PPHLN1: variants seen among roughly 807,000 people sequenced by gnomAD.
The protein encoded by PPHLN1 is periphilin-1.
A neutral mutation model predicts 51.3 loss-of-function variants in PPHLN1; 29 were observed. The ratio of observed to expected loss-of-function variants is 0.57; its 90% CI spans 0.42 to 0.77. The LOEUF is 0.77. Ranked by LOEUF, PPHLN1 falls within the 30% of genes least tolerant of loss-of-function variation. PPHLN1 has a pLI of 0.00. For missense variants in PPHLN1, 436 were observed against 438.4 expected, an observed-to-expected ratio of 0.99 and a Z score of 0.05; for synonymous variants, 147 against 147.8, an observed-to-expected ratio of 0.99 and a Z score of 0.04.
intron 8 of PPHLN1, 156 bp from the exon 9 acceptor site, chr12:42,398,698 C>T (rs2078511662): frequency 1.9e-6 from 1 of 537,022 alleles, no homozygotes; most frequent in East Asian, 3.0e-5. Flanking sequence ...TTCACATATG[C>T]TCATTATGCA....
intron 2 of PPHLN1, among the ~76,000 whole-genome samples, chr12:42,349,413 T>A (rs866788542): frequency 1.1e-3 from 164 of 152,104 alleles, no homozygotes; most frequent in Non-Finnish European, 1.9e-3. Context: ...GTTTTTTAAA[T>A]TTTTTTAGTA....
chr12:42,368,171 AT>A (rs2075450141), intron 4 of PPHLN1, among the ~76,000 whole-genome samples: 1 of 152,180 alleles, frequency 6.6e-6, no homozygotes, highest in African/African-American at 2.4e-5. Context: ...TATACTTGGT[AT>A]TTTGATACAA....
At position 42,375,283 on chromosome 12, in the gene PPHLN1, C is replaced by T. The variant is rs116144651; in HGVS notation, c.511+209C>T. On this transcript the variant is annotated intron_variant, in intron 5 of 9. Coordinates refer to ENST00000358314, the MANE Select transcript of PPHLN1 (RefSeq NM_201439.2). ...CTATTTGAAGTGGCATTCTGCATGACACTTACCTTTAATTTCTTCAGCATG... is the reference window on the plus strand; with the variant it reads ...CTATTTGAAGTGGCATTCTGCATGATACTTACCTTTAATTTCTTCAGCATG... 947 of 304,916 alleles carry T rather than the reference C, an allele frequency of 3.1e-3. 7 individuals carry two copies. Among genetic ancestry groups the T allele is most frequent in the African/African-American group, 0.019 (875 of 45,068 alleles). The allele number at this position is 304,916 out of a possible 1,614,324, so 18.9% of individuals were successfully genotyped here. A position where few individuals can be genotyped will look rare whatever the true frequency, so the allele number is the denominator to read the frequency against.
At chr12:42,358,015 A>G (rs2138366444) in intron 4 of PPHLN1, among the ~76,000 whole-genome samples, 1 of 152,280 alleles carries the variant, frequency 6.6e-6, no homozygotes, top group South Asian at 2.1e-4. Context: ...CACTTAAGAT[A>G]ATGGCCTGCA....
At chr12:42,346,791 G>A (rs1476430519) in intron 2 of PPHLN1, among the ~76,000 whole-genome samples, 1 of 152,142 alleles carries the variant, frequency 6.6e-6, no homozygotes, top group African/African-American at 2.4e-5. Flanking sequence ...CCATCCTTAA[G>A]GGTGTGAGGG....
At position 42,423,179 on chromosome 12, in the gene PPHLN1, A is replaced by G. The variant is rs1185346136; in HGVS notation, c.910-18136A>G. ...GACAAATCAAGATTAATTTTAATTC[A>G]TATACCAATTACTCTATGAATTTTG... On this transcript the variant is annotated intron_variant, in intron 9 of 9. Coordinates refer to ENST00000358314, the MANE Select transcript of PPHLN1 (RefSeq NM_201439.2). Among the ~76,000 whole-genome samples, 3 of 152,194 alleles carry G rather than the reference A, an allele frequency of 2.0e-5. No individual in the cohort carries two copies. The East Asian group carries it at 5.8e-4, about 29-fold the overall frequency.
At position 42,420,066 on chromosome 12, in the gene PPHLN1, C is replaced by T. The variant is rs77088674; in HGVS notation, c.909+21072C>T. On this transcript the variant is annotated intron_variant, in intron 9 of 9. Transcript: ENST00000358314. ...TTCTTTGCCATCAAAAAATAGAGTA[C>T]AGAATGCAGCTGCTACACAATTGAG... 7.1e-3 allele frequency among the ~76,000 whole-genome samples: 1,075 copies of T among 152,224 alleles called. 11 individuals carry two copies. Among genetic ancestry groups the T allele is most frequent in the African/African-American group, 0.025 (1,025 of 41,536 alleles).
intron 9 of PPHLN1, among the ~76,000 whole-genome samples, chr12:42,409,002 AT>A (rs749160074): frequency 2.9e-4 from 44 of 152,346 alleles, no homozygotes; most frequent in Admixed American, 1.2e-3. Flanking sequence ...TAATTTATAA[AT>A]TAGGCACAGT....
intron 9 of PPHLN1, among the ~76,000 whole-genome samples, chr12:42,413,526 A>ATGTG (rs71084648): frequency 0.083 from 11,243 of 136,270 alleles, 482 homozygotes; most frequent in East Asian, 0.2. Flanking sequence ...ATATATGTAT[A>ATGTG]TGTGTGTGTG....
chr12:42,414,714 G>A lies in PPHLN1; in HGVS notation c.909+15720G>A, dbSNP rs148795181. On this transcript the variant is annotated intron_variant, in intron 9 of 9. Coordinates refer to ENST00000358314, the MANE Select transcript of PPHLN1 (RefSeq NM_201439.2). Reference sequence around the variant, plus strand: ...AACGTTTTCTAGGTATATAGTCATCGTTGACGAACAGCAATAGTTTGACTT... The same window carrying A: ...AACGTTTTCTAGGTATATAGTCATCATTGACGAACAGCAATAGTTTGACTT... 5.8e-4 allele frequency among the ~76,000 whole-genome samples: 88 copies of A among 152,260 alleles called. 1 individual carries two copies. In the East Asian group the frequency reaches 0.012, roughly 21 times the overall value.
intron 9 of PPHLN1, chr12:42,431,872 T>G (rs1386649410): frequency 6.3e-7 from 1 of 1,590,266 alleles, no homozygotes; most frequent in Non-Finnish European, 8.6e-7. Flanking sequence ...TGTATCAGAT[T>G]CAGTCATTCC....
At chr12:42,412,742 G>A (rs2079988534) in intron 9 of PPHLN1, among the ~76,000 whole-genome samples, 1 of 152,116 alleles carries the variant, frequency 6.6e-6, no homozygotes, top group Non-Finnish European at 1.5e-5. Flanking sequence ...ATTCCCACCA[G>A]CTGAGTAAAA....
At chr12:42,426,172 C>CCACACACACACACACACACA (rs71084653) in intron 9 of PPHLN1, among the ~76,000 whole-genome samples, 22 of 122,188 alleles carry the variant, frequency 1.8e-4, no homozygotes, top group East Asian at 1.0e-3. Context: ...AGACTTGACA[C>CCACACACACACACACACACA]CACACACACA....
chr12:42,330,190 A>C (rs1479759596), intron 1 of PPHLN1, among the ~76,000 whole-genome samples: 2 of 152,240 alleles, frequency 1.3e-5, no homozygotes, highest in African/African-American at 4.8e-5. Context: ...TCTCGCCTCC[A>C]GCCACAGGGT....
chr12:42,381,805 A>T (rs565127014), intron 5 of PPHLN1, among the ~76,000 whole-genome samples: 1 of 152,160 alleles, frequency 6.6e-6, no homozygotes, highest in Non-Finnish European at 1.5e-5. Context: ...TCATTTATTT[A>T]TATCTTAATT....
chr12:42,373,162 G>T (rs2075956347), intron 4 of PPHLN1, among the ~76,000 whole-genome samples: 1 of 152,132 alleles, frequency 6.6e-6, no homozygotes, highest in African/African-American at 2.4e-5. Flanking sequence ...TGATGGCAGG[G>T]ACTGTGTACA....
chr12:42,377,223 G>A (rs891486715), intron 5 of PPHLN1, among the ~76,000 whole-genome samples: 1 of 151,050 alleles, frequency 6.6e-6, no homozygotes, highest in African/African-American at 2.4e-5. Context: ...CCTACTCTAA[G>A]CACTAATGAA....
chr12:42,445,214 C>A, downstream of PPHLN1: 2 of 677,098 alleles, frequency 3.0e-6, no homozygotes, highest in Non-Finnish European at 5.4e-6. Flanking sequence ...ATCAAGCAGA[C>A]CTGCAGGTTA....
At chr12:42,392,770 T>C (rs1565919755) in intron 7 of PPHLN1, among the ~76,000 whole-genome samples, 1 of 152,214 alleles carries the variant, frequency 6.6e-6, no homozygotes, top group Non-Finnish European at 1.5e-5. Flanking sequence ...AGATATGTTT[T>C]AGTATAATAG....
Sources: gnomAD v4.1 joint callset for allele counts (sites outside exome capture counted in the v4.1 genomes callset) on GRCh38, gnomAD v4.1.1 for gene constraint, MANE v1.5 for transcripts, NCBI Gene and HGNC (gene_info 2026-07-23, HGNC 2026-07-21) for gene names.